The following AFG3L2 variants were observed in gnomAD, a reference collection of about 807,000 sequenced individuals.
The protein encoded by AFG3L2 is AFG3 like matrix AAA peptidase subunit 2, also known as mitochondrial inner membrane m-AAA protease component AFG3L2.
A neutral mutation model predicts 94.5 loss-of-function variants in AFG3L2; 54 were observed. That is an observed-to-expected ratio of 0.57 (90% CI 0.46 to 0.72). AFG3L2 has a LOEUF of 0.72. Among genes scored for constraint, AFG3L2 ranks in the 30% least tolerant of loss-of-function variants. The pLI is 0.00. For synonymous variants in AFG3L2, 377 were observed against 365.5 expected (o/e 1.03, Z -0.36); for missense variants, 754 against 994.9 (o/e 0.76, Z 3.26).
At chr18:12,337,193 A>G (rs555913534) in intron 16 of AFG3L2, 148 bp downstream of exon 16, 1 of 742,122 alleles carries the variant, frequency 1.3e-6, no homozygotes, top group East Asian at 2.6e-5. Context: ...AAGACAGAGC[A>G]GACAACGAAA....
rs896231644 is a variant in AFG3L2, at chr18:12,371,028, G to A, written c.215-102C>T. On this transcript the variant is annotated intron_variant, in intron 2 of 16. Transcript: ENST00000269143. ...GCTGATGCATCACTGAAAAGCACAAGCTGGCCAGGCGCAATGGCTCATGCC... is the reference window on the plus strand; with the variant it reads ...GCTGATGCATCACTGAAAAGCACAAACTGGCCAGGCGCAATGGCTCATGCC... The A allele has an allele frequency of 4.9e-5, 35 of 719,418 alleles. No individual in the cohort carries two copies. The African/African-American group carries it at 5.0e-4, about 10-fold the overall frequency. 44.6% of individuals were successfully genotyped at this position (719,418 alleles called of 1,614,324 possible).
intron 6 of AFG3L2, among the ~76,000 whole-genome samples, chr18:12,360,611 G>A (rs190682090): frequency 3.5e-4 from 53 of 152,342 alleles, no homozygotes; most frequent in African/African-American, 1.1e-3. Flanking sequence ...GCGCCTTGCT[G>A]TGCCAGGCAC....
intron 12 of AFG3L2, among the ~76,000 whole-genome samples, chr18:12,350,467 A>C (rs1908280033): frequency 6.6e-6 from 1 of 152,204 alleles, no homozygotes; most frequent in African/African-American, 2.4e-5. Flanking sequence ...TTTATAGAAA[A>C]AAATGATACA....
chr18:12,371,707 A>G lies in AFG3L2; in HGVS notation c.115-16T>C. ...ATCGGTAAAGCTGCAACAAGACATA[A>G]AAATAAAACCATAGTTATATCAAGA... is the stretch of plus-strand genomic sequence containing the variant. On this transcript the variant is annotated splice_polypyrimidine_tract_variant and intron_variant, in intron 1 of 16. Coordinates refer to ENST00000269143, the MANE Select transcript of AFG3L2 (RefSeq NM_006796.3). The G allele has an allele frequency of 6.2e-7, 1 of 1,604,486 alleles. No homozygotes were observed. Among genetic ancestry groups the G allele is most frequent in the Non-Finnish European group, 8.5e-7 (1 of 1,171,820 alleles).
chr18:12,339,726 G>A (rs953951096), intron 15 of AFG3L2, among the ~76,000 whole-genome samples: 1 of 151,316 alleles, frequency 6.6e-6, no homozygotes, highest in Non-Finnish European at 1.5e-5. Context: ...GTGGGCGCCT[G>A]TAACCCCAGC....
chr18:12,329,464 T>A lies in AFG3L2; in HGVS notation c.*101A>T, dbSNP rs1458734863. 1 of 1,287,150 alleles carries A rather than the reference T, an allele frequency of 7.8e-7. No individual in the cohort carries two copies. The highest frequency in any genetic ancestry group is 1.5e-5 in the African/African-American group (1 of 68,414). The allele number at this position is 1,287,150 out of a possible 1,614,324, so 79.7% of individuals were successfully genotyped here. On this transcript the variant is annotated 3_prime_UTR_variant, in exon 17 of 17. Coordinates refer to ENST00000269143, the MANE Select transcript of AFG3L2 (RefSeq NM_006796.3). ...CATTTCAGCTGGGCCAGTGGCTGGC[T>A]AAAATCAGCGCAGCATTCCCATTCT... is the stretch of plus-strand genomic sequence containing the variant.
intron 16 of AFG3L2, 157 bp downstream of exon 16, chr18:12,337,184 A>C: frequency 4.2e-6 from 3 of 717,904 alleles, no homozygotes; most frequent in Non-Finnish European, 2.5e-6. Flanking sequence ...CCCCGCTTGA[A>C]GACAGAGCAG....
At chr18:12,371,749 G>A (rs1053548475) in intron 1 of AFG3L2, 58 bp from the exon 2 acceptor site, 16 of 1,401,322 alleles carry the variant, frequency 1.1e-5, no homozygotes, top group Non-Finnish European at 1.6e-5. Flanking sequence ...ACTTAAAAGA[G>A]CTTCATTTCC....
rs549312004 is a variant in AFG3L2, at chr18:12,376,849, G to A, written c.114+120C>T. 1.6e-5 allele frequency: 12 copies of A among 738,226 alleles called. No individual in the cohort carries two copies. The South Asian group carries it at 3.8e-4, about 23-fold the overall frequency. 45.7% of individuals were successfully genotyped at this position (738,226 alleles called of 1,614,324 possible). On this transcript the variant is annotated intron_variant, in intron 1 of 16. Transcript: ENST00000269143. Reference sequence around the variant, plus strand: ...GACAGCGCAGGGCGCCCAGGCCCTCGGCAGGGACGGCCCGCGTGCGGCCGG... The same window carrying A: ...GACAGCGCAGGGCGCCCAGGCCCTCAGCAGGGACGGCCCGCGTGCGGCCGG...
At chr18:12,370,391 T>G (rs924875223) in intron 3 of AFG3L2, among the ~76,000 whole-genome samples, 2 of 151,538 alleles carry the variant, frequency 1.3e-5, no homozygotes, top group Non-Finnish European at 2.9e-5. Context: ...TAAGGTGAAA[T>G]GTAACATAAG....
In AFG3L2 at chr18:12,329,021, T is replaced by C; in HGVS notation, c.*544A>G. On this transcript the variant is annotated 3_prime_UTR_variant, in exon 17 of 17. Transcript: ENST00000269143. ...TATTTACATAATACATTCATATTTT[T>C]AAGTATGTTACAGCTCCTGTAGAAA... The C allele has an allele frequency of 1.6e-6, 1 of 625,882 alleles. No homozygotes were observed. Among genetic ancestry groups the C allele is most frequent in the Non-Finnish European group, 2.9e-6 (1 of 350,378 alleles). The allele number at this position is 625,882 out of a possible 1,614,324, so 38.8% of individuals were successfully genotyped here. A position where few individuals can be genotyped will look rare whatever the true frequency, so the allele number is the denominator to read the frequency against.
rs150260474 is a variant in AFG3L2 at position 12,370,199 on chromosome 18, A to G, written c.292+650T>C. Among the ~76,000 whole-genome samples the G allele has an allele frequency of 2.6e-5, 4 of 152,208 alleles. No individual in the cohort carries two copies. In the East Asian group the frequency reaches 7.7e-4, roughly 29 times the overall value. On this transcript the variant is annotated intron_variant, in intron 3 of 16. Coordinates refer to ENST00000269143, the MANE Select transcript of AFG3L2 (RefSeq NM_006796.3). Reference sequence around the variant, plus strand: ...TGCTCTGAGGAGCAATTTTTAAAACACTGCCCTAAACACAATATGTATCAA... The same window carrying G: ...TGCTCTGAGGAGCAATTTTTAAAACGCTGCCCTAAACACAATATGTATCAA...
At chr18:12,339,833 T>TGCGAGA (rs768494510) in intron 15 of AFG3L2, among the ~76,000 whole-genome samples, 68 of 96,066 alleles carry the variant, frequency 7.1e-4, no homozygotes, top group Non-Finnish European at 1.3e-3. Flanking sequence ...TGGGCAAGAG[T>TGCGAGA]GCGAGGCTCA....
chr18:12,332,646 C>T (rs906655851), intron 16 of AFG3L2, among the ~76,000 whole-genome samples: 2 of 149,636 alleles, frequency 1.3e-5, no homozygotes, highest in African/African-American at 4.9e-5. Context: ...TTAAGAAAAT[C>T]CCAGATGTCA....
At chr18:12,368,749 C>T (rs935635397) in intron 3 of AFG3L2, among the ~76,000 whole-genome samples, 10 of 152,088 alleles carry the variant, frequency 6.6e-5, no homozygotes, top group Non-Finnish European at 1.5e-5. Flanking sequence ...TACAGGAGCA[C>T]GCCACCATGC....
chr18:12,355,913 C>G (rs569305878), intron 9 of AFG3L2, among the ~76,000 whole-genome samples: 1 of 152,152 alleles, frequency 6.6e-6, no homozygotes, highest in East Asian at 1.9e-4. Flanking sequence ...ACCTCCTGAT[C>G]CGCCTGCCTT....
chr18:12,333,755 C>T (rs1299018411), intron 16 of AFG3L2, among the ~76,000 whole-genome samples: 23 of 152,176 alleles, frequency 1.5e-4, no homozygotes, highest in Admixed American at 1.5e-3. Context: ...AACCAGCATG[C>T]ACTTGACATT....
chr18:12,376,866 T>TG (rs1470042726), intron 1 of AFG3L2, 103 bp downstream of exon 1: 1 of 907,066 alleles, frequency 1.1e-6, no homozygotes, highest in East Asian at 3.5e-5. Context: ...ACGGCCCGCG[T>TG]GCGGCCGGAG....
At chr18:12,356,483 G>A (rs1412524238) in intron 9 of AFG3L2, among the ~76,000 whole-genome samples, 2 of 152,188 alleles carry the variant, frequency 1.3e-5, no homozygotes, top group Non-Finnish European at 2.9e-5. Context: ...ACTATAGGTA[G>A]CAGACTGCAG....
Sources: allele counts gnomAD v4.1 joint callset (sites outside exome capture counted in the v4.1 genomes callset), GRCh38; gene constraint gnomAD v4.1.1; transcripts MANE v1.5; gene names NCBI Gene and HGNC (gene_info 2026-07-23, HGNC 2026-07-21).